The following TRAF3 variants were observed in gnomAD, a reference collection of about 807,000 sequenced individuals.
TRAF3 encodes the protein TNF receptor associated factor 3, also known as TNF receptor-associated factor 3.
Under a neutral mutation model 62.3 loss-of-function variants are expected in TRAF3, and 13 were observed. The ratio of observed to expected loss-of-function variants is 0.21; its 90% CI spans 0.14 to 0.33. TRAF3 has a LOEUF of 0.33. TRAF3 is among the 10% of genes least tolerant of loss of function. The probability of loss-of-function intolerance (pLI) is 1.00; values close to 1 mark genes in which losing one functional copy is unlikely to be tolerated. For missense variants in TRAF3, 440 were observed against 741.8 expected (o/e 0.59, Z 4.73); for synonymous variants, 269 against 283.4 (o/e 0.95, Z 0.51).
chr14:102,893,479 A>G (rs1889836553), intron 9 of TRAF3, among the ~76,000 whole-genome samples: 1 of 151,520 alleles, frequency 6.6e-6, no homozygotes, highest in South Asian at 2.1e-4. Flanking sequence ...ATCCAGCAGG[A>G]TGGTTGTGGA....
intron 2 of TRAF3, among the ~76,000 whole-genome samples, chr14:102,865,349 C>A (rs1442670802): frequency 6.6e-6 from 1 of 152,214 alleles, no homozygotes; most frequent in Non-Finnish European, 1.5e-5. Context: ...TGAGCAATGT[C>A]TGTCAATTTG....
intron 2 of TRAF3, among the ~76,000 whole-genome samples, chr14:102,833,197 C>A (rs1885758382): frequency 6.6e-6 from 1 of 152,234 alleles, no homozygotes; most frequent in Non-Finnish European, 1.5e-5. Context: ...TCTTGTCCCT[C>A]TCCCTTCTGT....
intron 1 of TRAF3, among the ~76,000 whole-genome samples, chr14:102,795,598 A>ATGTGTGTGTGTGTGTG (rs58263343): frequency 0.043 from 6,449 of 149,208 alleles, 167 homozygotes; most frequent in Middle Eastern, 0.083. Context: ...ATATGTATAT[A>ATGTGTGTGTGTGTGTG]TGTGTGTGTG....
At chr14:102,897,080 G>GA (rs1232284864) in intron 9 of TRAF3, among the ~76,000 whole-genome samples, 181 bp from the exon 10 acceptor site, 4 of 151,380 alleles carry the variant, frequency 2.6e-5, no homozygotes, top group East Asian at 1.9e-4. Context: ...CTCTAGAGGG[G>GA]AAAAAAAAGA....
intron 2 of TRAF3, among the ~76,000 whole-genome samples, chr14:102,834,442 T>C (rs1885849992): frequency 6.6e-6 from 1 of 151,406 alleles, no homozygotes; most frequent in Non-Finnish European, 1.5e-5. Context: ...CTCACGCTTG[T>C]AATCCCAGCA....
intron 9 of TRAF3, among the ~76,000 whole-genome samples, chr14:102,892,580 T>G (rs1332272360): frequency 1.3e-5 from 2 of 152,222 alleles, no homozygotes; most frequent in African/African-American, 4.8e-5. Context: ...TAATTCAATA[T>G]TCAACAAACG....
At chr14:102,825,636 G>A (rs1900264826) in intron 1 of TRAF3, among the ~76,000 whole-genome samples, 2 of 152,246 alleles carry the variant, frequency 1.3e-5, no homozygotes, top group South Asian at 2.1e-4. Flanking sequence ...GTGGGTCAGC[G>A]TCACAGGACG....
chr14:102,822,404 T>G (rs1900041693), intron 1 of TRAF3, among the ~76,000 whole-genome samples: 1 of 152,200 alleles, frequency 6.6e-6, no homozygotes, highest in Non-Finnish European at 1.5e-5. Context: ...ACCTATGTTG[T>G]CAATATGCAG....
chr14:102,837,144 T>TGTG (rs1566765656), intron 2 of TRAF3, among the ~76,000 whole-genome samples: 5 of 130,688 alleles, frequency 3.8e-5, no homozygotes, highest in African/African-American at 1.0e-4. Context: ...GTGTGTGTGT[T>TGTG]TTTTTTGGGG....
rs1277303193 is a variant in TRAF3 at position 102,868,397 on chromosome 14, TC to T, written c.-17-1786del. Among the ~76,000 whole-genome samples, 14 of 152,278 alleles carry T rather than the reference TC, an allele frequency of 9.2e-5. No homozygotes were observed. In the East Asian group the frequency reaches 2.1e-3, roughly 23 times the overall value. ...TCACCTCCCTTCACAGCCACTCCCT[TC>T]CTTACCAAGGTACATGGGAGTACAG... On this transcript the variant is annotated intron_variant, in intron 2 of 11. Coordinates refer to ENST00000392745, the MANE Select transcript of TRAF3 (RefSeq NM_145725.3).
chr14:102,891,565 T>A (rs567552106), intron 9 of TRAF3, 148 bp downstream of exon 9: 1 of 911,164 alleles, frequency 1.1e-6, no homozygotes, highest in East Asian at 2.7e-5. Flanking sequence ...ATCTTGAGCT[T>A]ATAAATGAAG....
At chr14:102,813,570 C>T (rs761961690) in intron 1 of TRAF3, among the ~76,000 whole-genome samples, 8 of 151,870 alleles carry the variant, frequency 5.3e-5, no homozygotes, top group Non-Finnish European at 8.8e-5. Flanking sequence ...CCTGCCTCAA[C>T]CTCTTGAGTA....
rs1890671011 is a variant in TRAF3, at chr14:102,908,024, C to T, written c.*2240C>T. 6.6e-6 allele frequency: 1 copy of T among 152,382 alleles called. No homozygotes were observed. The highest frequency in any genetic ancestry group is 2.1e-4 in the South Asian group (1 of 4,826). 9.4% of individuals were successfully genotyped at this position (152,382 alleles called of 1,614,324 possible). A position where few individuals can be genotyped will look rare whatever the true frequency, so the allele number is the denominator to read the frequency against. On this transcript the variant is annotated 3_prime_UTR_variant, in exon 12 of 12. Transcript: ENST00000392745. Reference sequence around the variant, plus strand: ...TTTTCCTGAGGCCAGGGGTTAACAACAGGGACATCCCTGCAACTTCCCCTT... The same window carrying T: ...TTTTCCTGAGGCCAGGGGTTAACAATAGGGACATCCCTGCAACTTCCCCTT...
At chr14:102,845,193 G>A (rs1412958010) in intron 2 of TRAF3, among the ~76,000 whole-genome samples, 1 of 147,086 alleles carries the variant, frequency 6.8e-6, no homozygotes, top group African/African-American at 2.5e-5. Context: ...ACCATGCCCG[G>A]CCCTAAAAAT....
intron 2 of TRAF3, among the ~76,000 whole-genome samples, chr14:102,836,166 C>T (rs1885991207): frequency 6.6e-6 from 1 of 152,250 alleles, no homozygotes; most frequent in Non-Finnish European, 1.5e-5. Context: ...GTACTGCCTG[C>T]ACACAGCACA....
intron 1 of TRAF3, among the ~76,000 whole-genome samples, chr14:102,788,150 C>T (rs1388042385): frequency 6.6e-6 from 1 of 152,032 alleles, no homozygotes; most frequent in Non-Finnish European, 1.5e-5. Context: ...CCCCCACACC[C>T]GGCCTGCAGA....
intron 10 of TRAF3, among the ~76,000 whole-genome samples, chr14:102,902,135 C>T (rs140609858): frequency 6.6e-6 from 1 of 152,366 alleles, no homozygotes; most frequent in Non-Finnish European, 1.5e-5. Flanking sequence ...TGGGAAAGGG[C>T]TTTCTGAATT....
Position 102,905,508 on chromosome 14 carries a change from C to T in TRAF3, c.1431C>T (p.Ile477=). The change falls in exon 12 of 12, where the codon ATC becomes ATT. Residue 477 remains isoleucine, a synonymous_variant. Transcript: ENST00000392745. Reference sequence around the variant, plus strand: ...CGCACTTGTCGCTGTTTTTTGTCATCATGCGTGGAGAATATGATGCCCTGC... The same window carrying T: ...CGCACTTGTCGCTGTTTTTTGTCATTATGCGTGGAGAATATGATGCCCTGC... ...KGTHLSLFFV[I]MRGEYDALLP... 6.2e-7 allele frequency: 1 copy of T among 1,614,204 alleles called. No homozygotes were observed. The highest frequency in any genetic ancestry group is 8.5e-7 in the Non-Finnish European group (1 of 1,180,046).
intron 2 of TRAF3, among the ~76,000 whole-genome samples, chr14:102,843,430 C>T (rs529546957): frequency 9.9e-5 from 15 of 151,160 alleles, no homozygotes; most frequent in African/African-American, 2.7e-4. Context: ...CTCTGTCTCC[C>T]GGGCTCAAGC....
Sources: allele counts gnomAD v4.1 joint callset (sites outside exome capture counted in the v4.1 genomes callset), GRCh38; gene constraint gnomAD v4.1.1; transcripts MANE v1.5; gene names NCBI Gene and HGNC (gene_info 2026-07-23, HGNC 2026-07-21).